The following KLHL36 variants were observed in gnomAD, a reference collection of about 807,000 sequenced individuals.
KLHL36 encodes kelch like family member 36.
Under a neutral mutation model 53.3 loss-of-function variants are expected in KLHL36, and 35 were observed. That is an observed-to-expected ratio of 0.66 (90% confidence interval 0.50 to 0.87). The LOEUF is 0.87. Ranked by LOEUF, KLHL36 falls within the 40% of genes least tolerant of loss-of-function variation. The pLI, the probability that KLHL36 is intolerant of heterozygous loss-of-function variation, is 0.00. For synonymous variants in KLHL36, 472 were observed against 398.9 expected, an observed-to-expected ratio of 1.18 and a Z score of -2.18; for missense variants, 864 against 897.6, an observed-to-expected ratio of 0.96 and a Z score of 0.48.
intron 2 of KLHL36, among the ~76,000 whole-genome samples, chr16:84,651,131 C>T (rs975394680): frequency 1.3e-5 from 2 of 152,062 alleles, no homozygotes; most frequent in Non-Finnish European, 2.9e-5. Flanking sequence ...ATGGTAGAGA[C>T]GCTATGGCCA....
rs1907587933 is a variant in KLHL36 at position 84,662,010 on chromosome 16, C to T, written c.1728C>T (p.Ser576=). 1 of 1,591,428 alleles carries T rather than the reference C, an allele frequency of 6.3e-7. No individual in the cohort carries two copies. Among genetic ancestry groups the T allele is most frequent in the Non-Finnish European group, 8.5e-7 (1 of 1,170,520 alleles). The change falls in exon 5 of 5, where the codon AGC becomes AGT. Residue 576 remains serine (S), a synonymous_variant. Coordinates refer to ENST00000564996, the MANE Select transcript of KLHL36 (RefSeq NM_024731.4). ...ACGACCGCGAGGCCGACAAGTGGAGCAGGGGCGTCGACCTGCCCAAGGCCA... is the reference window on the plus strand; with the variant it reads ...ACGACCGCGAGGCCGACAAGTGGAGTAGGGGCGTCGACCTGCCCAAGGCCA... ...QVYDREADKW[S]RGVDLPKAIA... is the part of the protein sequence containing the mutation.
intron 2 of KLHL36, among the ~76,000 whole-genome samples, chr16:84,651,360 C>T (rs28451474): frequency 0.024 from 3,580 of 152,170 alleles, 150 homozygotes; most frequent in African/African-American, 0.082. Context: ...GGCCTGGAGT[C>T]GTCTTCCCTG....
In KLHL36 at chr16:84,663,469, G is replaced by C. The variant is rs1034755997; in HGVS notation, c.*1336G>C. 6.6e-6 allele frequency: 1 copy of C among 151,206 alleles called. No homozygotes were observed. The highest frequency in any genetic ancestry group is 6.6e-5 in the Admixed American group (1 of 15,154). 9.4% of individuals were successfully genotyped at this position (151,206 alleles called of 1,614,324 possible). On this transcript the variant is annotated 3_prime_UTR_variant, in exon 5 of 5. Transcript: ENST00000564996. The stretch of plus-strand genomic sequence containing the variant: ...TGGATGAGAAACGTGCAGAACTATG[G>C]GAGGATAGGAGTGTGATGGGTTTTA...
chr16:84,652,251 G>A (rs1906932713), intron 2 of KLHL36, among the ~76,000 whole-genome samples: 1 of 152,004 alleles, frequency 6.6e-6, no homozygotes, highest in African/African-American at 2.4e-5. Flanking sequence ...CTAGGCTTCT[G>A]TATCACTGGA....
intron 4 of KLHL36, among the ~76,000 whole-genome samples, chr16:84,660,283 T>C (rs1014639512): frequency 5.3e-5 from 8 of 152,138 alleles, no homozygotes; most frequent in African/African-American, 1.9e-4. Flanking sequence ...GGCATGGGTC[T>C]TCACCCCGCT....
chr16:84,661,546 T>A lies in KLHL36; in HGVS notation c.1296-32T>A. 6.5e-7 allele frequency: 1 copy of A among 1,546,204 alleles called. No individual in the cohort carries two copies. The highest frequency in any genetic ancestry group is 8.8e-7 in the Non-Finnish European group (1 of 1,142,570). ...GGGTAAGCCTGGCACAGCCCTGAGC[T>A]CTCCCTCTGTCTCTGCCCGTCGACC... On this transcript the variant is annotated intron_variant, in intron 4 of 4. Transcript: ENST00000564996. This position sits in a 1 kb window ranked among gnomAD's most constrained non-coding sequence, Gnocchi z 7.9.
chr16:84,659,084 C>A (rs1907392632), intron 3 of KLHL36: 1 of 152,242 alleles, frequency 6.6e-6, no homozygotes, highest in Admixed American at 6.5e-5. Flanking sequence ...TAATTGCAAC[C>A]TCTGCCTCCC....
chr16:84,653,037 C>G (rs1007899641), intron 2 of KLHL36, among the ~76,000 whole-genome samples: 1 of 152,064 alleles, frequency 6.6e-6, no homozygotes, highest in Non-Finnish European at 1.5e-5. Flanking sequence ...GACAACACGG[C>G]TAAACCTCAT....
At position 84,659,872 on chromosome 16, in the gene KLHL36, A is replaced by G; in HGVS notation, c.1250A>G (p.Tyr417Cys). The part of the protein sequence containing the change: ...ENGALSSVET[Y>C]SPKTDSWSYV... ...GGAGCGCTCTCTTCAGTAGAGACGTACAGTCCCAAGACTGACTCCTGGTCC... is the reference window on the plus strand; with the variant it reads ...GGAGCGCTCTCTTCAGTAGAGACGTGCAGTCCCAAGACTGACTCCTGGTCC... Residue 417 changes from tyrosine to cysteine, a missense_variant, in exon 4 of 5, where the codon TAC becomes TGC. Transcript: ENST00000564996. 1 of 1,614,118 alleles carries G rather than the reference A, an allele frequency of 6.2e-7. No individual in the cohort carries two copies. Among genetic ancestry groups the G allele is most frequent in the Non-Finnish European group, 8.5e-7 (1 of 1,179,980 alleles).
In KLHL36 at chr16:84,666,646, C is replaced by G. The variant is rs1239626555; in HGVS notation, c.*4513C>G. On this transcript the variant is annotated 3_prime_UTR_variant, in exon 5 of 5. Coordinates refer to ENST00000564996, the MANE Select transcript of KLHL36 (RefSeq NM_024731.4). ...TAAAGTATTCTTAACATGAAATCCA[C>G]AAAAGCGGAAACAATGAACCATTCT... 6.6e-6 allele frequency: 1 copy of G among 152,216 alleles called. No individual in the cohort carries two copies. Among genetic ancestry groups the G allele is most frequent in the Admixed American group, 6.5e-5 (1 of 15,286 alleles). 9.4% of individuals were successfully genotyped at this position (152,216 alleles called of 1,614,324 possible).
intron 4 of KLHL36, 143 bp downstream of exon 4, chr16:84,660,060 C>T (rs953021586): frequency 3.5e-6 from 3 of 851,956 alleles, no homozygotes; most frequent in Admixed American, 2.3e-5. Flanking sequence ...GTGGGTACAC[C>T]ATGAGGGGCG....
At chr16:84,650,819 A>C (rs1597212268) in intron 1 of KLHL36, 33 bp from the exon 2 acceptor site, 14 of 1,488,164 alleles carry the variant, frequency 9.4e-6, no homozygotes, top group Non-Finnish European at 1.0e-5. Context: ...TAGAGTTATG[A>C]CTGCATGCTC....
chr16:84,660,308 T>C (rs984241640), intron 4 of KLHL36, among the ~76,000 whole-genome samples: 1 of 152,124 alleles, frequency 6.6e-6, no homozygotes, highest in African/African-American at 2.4e-5. Flanking sequence ...CTTTAGTTCC[T>C]CATCTGTAGA....
At position 84,661,922 on chromosome 16, in the gene KLHL36, G is replaced by T. The variant is rs564028776; in HGVS notation, c.1640G>T (p.Arg547Leu). ...SESGVAVWEG[R>L]IYILGGYSWE... The stretch of plus-strand genomic sequence containing the variant: ...TCGGGCGTGGCAGTGTGGGAGGGCC[G>T]CATCTACATCCTGGGCGGCTACAGC... The change falls in exon 5 of 5, where the codon CGC becomes CTC. Residue 547 changes from arginine to leucine, a missense_variant. Arg to Leu is a moderately radical substitution (Grantham distance 102). Coordinates refer to ENST00000564996, the MANE Select transcript of KLHL36 (RefSeq NM_024731.4). The surrounding 1 kb of genome is among the most constrained non-coding windows in gnomAD (Gnocchi z 7.9). 6.3e-7 allele frequency: 1 copy of T among 1,599,958 alleles called. No individual in the cohort carries two copies. The highest frequency in any genetic ancestry group is 1.3e-5 in the African/African-American group (1 of 74,756).
In KLHL36 at chr16:84,661,926, C is replaced by G. The variant is rs948744429; in HGVS notation, c.1644C>G (p.Ile548Met). The stretch of plus-strand genomic sequence containing the variant: ...GCGTGGCAGTGTGGGAGGGCCGCAT[C>G]TACATCCTGGGCGGCTACAGCTGGG... The part of the protein sequence containing the change: ...ESGVAVWEGR[I>M]YILGGYSWEN... The change falls in exon 5 of 5, where the codon ATC (isoleucine) becomes ATG (methionine). Residue 548 changes from isoleucine (I) to methionine (M), a missense_variant. Ile to Met is a conservative substitution (Grantham distance 10, BLOSUM62 1). Coordinates refer to ENST00000564996, the MANE Select transcript of KLHL36 (RefSeq NM_024731.4). This position sits in a 1 kb window ranked among gnomAD's most constrained non-coding sequence, Gnocchi z 7.9. 1 of 1,601,840 alleles carries G rather than the reference C, an allele frequency of 6.2e-7. No individual in the cohort carries two copies. The highest frequency in any genetic ancestry group is 8.5e-7 in the Non-Finnish European group (1 of 1,173,710).
chr16:84,653,387 C>G (rs986323630), intron 2 of KLHL36, among the ~76,000 whole-genome samples: 1 of 152,184 alleles, frequency 6.6e-6, no homozygotes, highest in Non-Finnish European at 1.5e-5. Context: ...ATGAACAAGA[C>G]TCATATCATC....
At chr16:84,651,728 G>C (rs1906895686) in intron 2 of KLHL36, among the ~76,000 whole-genome samples, 1 of 152,172 alleles carries the variant, frequency 6.6e-6, no homozygotes, top group African/African-American at 2.4e-5. Flanking sequence ...GTTCTCGGGA[G>C]GGTGGAAGGA....
chr16:84,655,022 A>G (rs758521076), intron 2 of KLHL36, among the ~76,000 whole-genome samples: 2 of 152,254 alleles, frequency 1.3e-5, no homozygotes, highest in African/African-American at 4.8e-5. Context: ...AGCCCGGTGT[A>G]GGCCAGCCTG....
At chr16:84,652,453 T>G (rs112620182) in intron 2 of KLHL36, among the ~76,000 whole-genome samples, 71 of 152,228 alleles carry the variant, frequency 4.7e-4, no homozygotes, top group African/African-American at 1.7e-3. Context: ...GTATTTTTAG[T>G]AGAGACGGGG....
Sources: allele counts gnomAD v4.1 joint callset (sites outside exome capture counted in the v4.1 genomes callset), GRCh38; gene constraint gnomAD v4.1.1; non-coding constraint Gnocchi (gnomAD v3.1); transcripts MANE v1.5; gene names NCBI Gene and HGNC (gene_info 2026-07-23, HGNC 2026-07-21).